Variants in PRELID2 observed in about 807,000 individuals in gnomAD.
PRELID2 encodes PRELI domain containing 2.
In PRELID2, 25 loss-of-function variants were observed where a neutral mutation model predicts 28.4. That is an observed-to-expected ratio of 0.88 (90% CI 0.64 to 1.23). PRELID2 has a LOEUF of 1.23. Among genes scored for constraint, PRELID2 ranks in the 50% most tolerant of loss-of-function variants. The probability of loss-of-function intolerance (pLI) is 0.00; values close to 1 mark genes in which losing one functional copy is unlikely to be tolerated. For synonymous variants in PRELID2, 76 were observed against 71.6 expected, an observed-to-expected ratio of 1.06 and a Z score of -0.31; for missense variants, 201 against 214.4, an observed-to-expected ratio of 0.94 and a Z score of 0.39.
chr5:145,675,466 C>T (rs1212957532), intron 1 of PRELID2, among the ~76,000 whole-genome samples: 1 of 152,204 alleles, frequency 6.6e-6, no homozygotes, highest in African/African-American at 2.4e-5. Context: ...GAGATTGACA[C>T]TATCTAGCAA....
At chr5:145,513,885 C>G (rs950106875) in intron 1 of PRELID2, among the ~76,000 whole-genome samples, 2 of 152,124 alleles carry the variant, frequency 1.3e-5, no homozygotes, top group African/African-American at 2.4e-5. Flanking sequence ...ATTTCATATC[C>G]AGCCAAATTA....
chr5:145,714,724 T>C (rs1294662056), intron 1 of PRELID2, among the ~76,000 whole-genome samples: 1 of 152,098 alleles, frequency 6.6e-6, no homozygotes, highest in Non-Finnish European at 1.5e-5. Flanking sequence ...AAATCCAAAC[T>C]CCCTTTCTCT....
chr5:145,792,875 T>C (rs942363290), intron 5 of PRELID2, among the ~76,000 whole-genome samples: 12 of 152,248 alleles, frequency 7.9e-5, no homozygotes, highest in African/African-American at 2.7e-4. Context: ...TTTTCACATG[T>C]ACCTGTGGGA....
chr5:145,574,961 G>T (rs1330072995), intron 1 of PRELID2, among the ~76,000 whole-genome samples: 2 of 152,136 alleles, frequency 1.3e-5, no homozygotes, highest in Non-Finnish European at 2.9e-5. Context: ...ATCCACAATT[G>T]GTTGAATCCA....
chr5:145,235,739 C>T, the PRELID2 span, among the ~76,000 whole-genome samples: 3 of 152,068 alleles, frequency 2.0e-5, no homozygotes, highest in South Asian at 2.1e-4. Context: ...TAGGATAAGA[C>T]GGTAAGCTTT....
chr5:145,594,115 C>T (rs887274626), intron 1 of PRELID2, among the ~76,000 whole-genome samples: 1 of 152,138 alleles, frequency 6.6e-6, no homozygotes, highest in African/African-American at 2.4e-5. Context: ...CTGTGAGATT[C>T]TGATTTTTAA....
the PRELID2 span, chr5:145,229,104 A>G: frequency 1.2e-5 from 17 of 1,462,544 alleles, no homozygotes; most frequent in Admixed American, 2.4e-4. Flanking sequence ...CAGGCCCTGC[A>G]TCGCCCACAA....
intron 1 of PRELID2, among the ~76,000 whole-genome samples, chr5:145,735,634 G>T (rs1055260449): frequency 2.4e-4 from 36 of 152,298 alleles, no homozygotes; most frequent in African/African-American, 8.2e-4. Context: ...TACATTTTAG[G>T]TGTGATAAGT....
intron 1 of PRELID2, among the ~76,000 whole-genome samples, chr5:145,623,912 C>T (rs145929186): frequency 1.3e-5 from 2 of 152,226 alleles, no homozygotes; most frequent in African/African-American, 4.8e-5. Flanking sequence ...GGCCTCAGCC[C>T]CACAAGACTG....
chr5:145,421,153 T>C, the PRELID2 span, among the ~76,000 whole-genome samples: 1 of 151,862 alleles, frequency 6.6e-6, no homozygotes, highest in Non-Finnish European at 1.5e-5. Flanking sequence ...TATTGAGGAT[T>C]TTTGCATCAA....
At chr5:145,251,542 C>T in the PRELID2 span, among the ~76,000 whole-genome samples, 200 of 152,262 alleles carry the variant, frequency 1.3e-3, 4 homozygotes, top group East Asian at 0.031. Context: ...TTGTGGCCTT[C>T]ATCATCCCAA....
chr5:145,374,893 T>C, the PRELID2 span, among the ~76,000 whole-genome samples: 1 of 152,132 alleles, frequency 6.6e-6, no homozygotes, highest in East Asian at 1.9e-4. Context: ...ATCCTTTTAT[T>C]AAGGTTCTTA....
At position 145,535,862 on chromosome 5, in the gene PRELID2, G is replaced by C. The variant is rs143478025; in HGVS notation, n.71-62547C>G. 2.9e-3 allele frequency among the ~76,000 whole-genome samples: 434 copies of C among 151,962 alleles called. 1 individual carries two copies. The highest frequency in any genetic ancestry group is 9.9e-3 in the African/African-American group (411 of 41,496). On this transcript the variant is annotated intron_variant and non_coding_transcript_variant, in intron 1 of 2. Coordinates refer to the PRELID2 transcript ENST00000510259. ...TGACATGTCACATACTAGAATCAAA[G>C]AATGGGCAAAGTAATGTTCACATCC...
chr5:145,296,079 T>C, the PRELID2 span, among the ~76,000 whole-genome samples: 28 of 152,154 alleles, frequency 1.8e-4, no homozygotes, highest in Admixed American at 1.3e-3. Context: ...ACAGAAGAAA[T>C]TATTCTTTTA....
At chr5:145,252,658 A>G in the PRELID2 span, among the ~76,000 whole-genome samples, 3 of 152,080 alleles carry the variant, frequency 2.0e-5, no homozygotes, top group African/African-American at 7.2e-5. Context: ...TTTTGGTGAC[A>G]GTTTCTGATG....
chr5:145,288,469 A>T, the PRELID2 span, among the ~76,000 whole-genome samples: 1 of 152,020 alleles, frequency 6.6e-6, no homozygotes, highest in Admixed American at 6.6e-5. Context: ...TTAAATTTTG[A>T]CAATATAAGG....
chr5:145,591,391 A>G (rs1753224650), intron 1 of PRELID2, among the ~76,000 whole-genome samples: 1 of 152,168 alleles, frequency 6.6e-6, no homozygotes, highest in South Asian at 2.1e-4. Flanking sequence ...AAAATAATGG[A>G]TGAAAATAAT....
intron 1 of PRELID2, among the ~76,000 whole-genome samples, chr5:145,556,995 A>G (rs1043385885): frequency 1.3e-5 from 2 of 152,126 alleles, no homozygotes; most frequent in Non-Finnish European, 2.9e-5. Flanking sequence ...GTGTGACTTA[A>G]CTTTTTAGCA....
At chr5:145,303,187 G>T in the PRELID2 span, among the ~76,000 whole-genome samples, 117 of 152,244 alleles carry the variant, frequency 7.7e-4, no homozygotes, top group African/African-American at 2.5e-3. Context: ...ACCCCAAAAA[G>T]TAGGAGAGTG....
Sources: allele counts gnomAD v4.1 joint callset (sites outside exome capture counted in the v4.1 genomes callset), GRCh38; gene constraint gnomAD v4.1.1; transcripts MANE v1.5; gene names NCBI Gene and HGNC (gene_info 2026-07-23, HGNC 2026-07-21).